Variants in RASGRF2 observed in about 807,000 individuals in gnomAD.
The protein encoded by RASGRF2 is ras-specific guanine nucleotide-releasing factor 2.
A neutral mutation model predicts 151.0 loss-of-function variants in RASGRF2; 76 were observed. The ratio of observed to expected loss-of-function variants is 0.50; its 90% confidence interval spans 0.42 to 0.61. RASGRF2 has a LOEUF of 0.61. Among genes scored for constraint, RASGRF2 ranks in the 20% least tolerant of loss-of-function variants. The pLI is 0.00. For synonymous variants in RASGRF2, 504 were observed against 566.5 expected (o/e 0.89, Z 1.57); for missense variants, 1,148 against 1,564.6 (o/e 0.73, Z 4.49).
At chr5:81,046,234 G>A (rs990681578) in intron 2 of RASGRF2, among the ~76,000 whole-genome samples, 2 of 152,024 alleles carry the variant, frequency 1.3e-5, no homozygotes, top group Non-Finnish European at 2.9e-5. Context: ...ACCAGCCTGG[G>A]TGTGCTGTCT....
chr5:81,087,624 C>T (rs538885317), intron 9 of RASGRF2: 1 of 512,838 alleles, frequency 1.9e-6, no homozygotes. Flanking sequence ...CCTATTTCTC[C>T]TCGGCTGTTA....
rs546198428 is a variant in RASGRF2 at position 81,172,920 on chromosome 5, A to G, written c.2687-7255A>G. Among the ~76,000 whole-genome samples the G allele has an allele frequency of 9.2e-5, 14 of 152,130 alleles. No individual in the cohort carries two copies. In the South Asian group the frequency reaches 1.0e-3, roughly 11 times the overall value. ...CCCATCTTTTCTGCTTGGCAGTGAG[A>G]CAGAAATGACATCATATGCTTCTGA... On this transcript the variant is annotated intron_variant, in intron 17 of 26. Transcript: ENST00000265080.
chr5:81,166,763 C>T (rs1028833559), intron 17 of RASGRF2, among the ~76,000 whole-genome samples: 1 of 152,004 alleles, frequency 6.6e-6, no homozygotes, highest in African/African-American at 2.4e-5. Flanking sequence ...AGGAAGGGAC[C>T]TTAGAGGCAT....
intron 1 of RASGRF2, among the ~76,000 whole-genome samples, chr5:81,039,728 A>G (rs1260225352): frequency 6.7e-6 from 1 of 150,156 alleles, no homozygotes; most frequent in Non-Finnish European, 1.5e-5. Flanking sequence ...TACCATATGT[A>G]TAGGCTAAGA....
intron 7 of RASGRF2, among the ~76,000 whole-genome samples, chr5:81,083,429 G>A (rs1467376417): frequency 2.6e-5 from 4 of 152,120 alleles, no homozygotes; most frequent in African/African-American, 7.2e-5. Flanking sequence ...CCTTTAGCTT[G>A]TATGTGTAGA....
intron 19 of RASGRF2, among the ~76,000 whole-genome samples, chr5:81,206,188 T>TTTAC (rs1755503056): frequency 6.6e-6 from 1 of 152,088 alleles, no homozygotes; most frequent in Non-Finnish European, 1.5e-5. Context: ...TGTTTATTCA[T>TTTAC]TCACTCATTC....
At chr5:81,051,323 T>G (rs1158024042) in intron 2 of RASGRF2, among the ~76,000 whole-genome samples, 1 of 152,246 alleles carries the variant, frequency 6.6e-6, no homozygotes, top group Non-Finnish European at 1.5e-5. Flanking sequence ...AAATATTTTT[T>G]AAAATCAAGA....
intron 17 of RASGRF2, among the ~76,000 whole-genome samples, chr5:81,175,698 T>C (rs1754758211): frequency 7.0e-6 from 1 of 142,076 alleles, no homozygotes; most frequent in Non-Finnish European, 1.5e-5. Flanking sequence ...GAGGTTGCAG[T>C]GAGCCGAGAT....
chr5:81,006,340 T>C (rs1749269634), intron 1 of RASGRF2, among the ~76,000 whole-genome samples: 1 of 152,240 alleles, frequency 6.6e-6, no homozygotes, highest in Non-Finnish European at 1.5e-5. Context: ...TCACTTAATA[T>C]GCTTCTAACT....
Position 81,155,838 on chromosome 5 carries a change from T to G in RASGRF2, c.2687-24337T>G, listed in dbSNP as rs113907521. 3.3e-3 allele frequency among the ~76,000 whole-genome samples: 499 copies of G among 152,150 alleles called. 2 individuals carry two copies. Among genetic ancestry groups the G allele is most frequent in the African/African-American group, 0.011 (460 of 41,496 alleles). ...TAATGAGGGAGTCGGGTTATGGAAA[T>G]TATATGGGGGATTAGGGAATTTGAC... On this transcript the variant is annotated intron_variant, in intron 17 of 26. Coordinates refer to ENST00000265080, the MANE Select transcript of RASGRF2 (RefSeq NM_006909.3).
At chr5:80,980,344 C>G (rs1463468072) in intron 1 of RASGRF2, among the ~76,000 whole-genome samples, 1 of 152,128 alleles carries the variant, frequency 6.6e-6, no homozygotes, top group South Asian at 2.1e-4. Context: ...AGACAGTACT[C>G]TTGAAAGAAT....
intron 17 of RASGRF2, among the ~76,000 whole-genome samples, chr5:81,167,477 T>TAGA (rs749086718): frequency 7.9e-5 from 12 of 152,266 alleles, no homozygotes; most frequent in Non-Finnish European, 1.6e-4. Context: ...TCCACTTGAA[T>TAGA]AGAATTCTAC....
At chr5:81,006,241 GT>G (rs1749266005) in intron 1 of RASGRF2, among the ~76,000 whole-genome samples, 2 of 152,096 alleles carry the variant, frequency 1.3e-5, no homozygotes, top group African/African-American at 4.8e-5. Flanking sequence ...CCTTTAGGTT[GT>G]TTAGTTGTTT....
intron 7 of RASGRF2, 130 bp from the exon 8 acceptor site, chr5:81,085,670 TTA>T: frequency 7.2e-7 from 1 of 1,384,908 alleles, no homozygotes; most frequent in Non-Finnish European, 9.5e-7. Flanking sequence ...TATTTCTTTT[TTA>T]AAAAATGTGT....
intron 26 of RASGRF2, chr5:81,223,551 G>C (rs1452329391): frequency 2.0e-5 from 3 of 152,266 alleles, no homozygotes; most frequent in Admixed American, 6.5e-5. Flanking sequence ...TGAGACAGGA[G>C]GATGGCGTGA....
At chr5:81,070,401 A>G in intron 3 of RASGRF2, 91 bp from the exon 4 acceptor site, 1 of 1,075,790 alleles carries the variant, frequency 9.3e-7, no homozygotes, top group Non-Finnish European at 1.4e-6. Context: ...TGAGGATCTC[A>G]TTGGACCACC....
intron 1 of RASGRF2, among the ~76,000 whole-genome samples, chr5:81,021,025 C>A (rs13183890): frequency 0.1 from 15,751 of 152,222 alleles, 1,022 homozygotes; most frequent in African/African-American, 0.18. Flanking sequence ...TACGCTGTCA[C>A]AGCACAGGCT....
intron 13 of RASGRF2, among the ~76,000 whole-genome samples, chr5:81,110,845 G>A (rs565733350): frequency 6.6e-6 from 1 of 152,172 alleles, no homozygotes; most frequent in Non-Finnish European, 1.5e-5. Context: ...ATAGTGAGTG[G>A]AAGAAAGAGC....
At chr5:81,070,245 T>C (rs1026229015) in intron 3 of RASGRF2, 1 of 384,594 alleles carries the variant, frequency 2.6e-6, no homozygotes, top group Non-Finnish European at 4.9e-6. Context: ...GGGCCAACAT[T>C]TCTGCTAGCC....
Sources: allele counts gnomAD v4.1 joint callset (sites outside exome capture counted in the v4.1 genomes callset), GRCh38; gene constraint gnomAD v4.1.1; transcripts MANE v1.5; gene names NCBI Gene and HGNC (gene_info 2026-07-23, HGNC 2026-07-21).